Variants in KIAA1217 observed in about 807,000 individuals in gnomAD.
The protein encoded by KIAA1217 is sickle tail protein homolog.
In KIAA1217, 88 loss-of-function variants were observed where a neutral mutation model predicts 163.9. The observed-to-expected ratio is 0.54, with a 90% CI of 0.45 to 0.64. The LOEUF (loss-of-function observed/expected upper bound fraction) is 0.64. Among genes scored for constraint, KIAA1217 ranks in the 30% least tolerant of loss-of-function variants. KIAA1217 has a pLI of 0.00. For missense variants in KIAA1217, 2,372 were observed against 2,475.0 expected, an observed-to-expected ratio of 0.96 and a Z score of 0.88; for synonymous variants, 903 against 923.1, an observed-to-expected ratio of 0.98 and a Z score of 0.39.
At chr10:24,255,379 C>T (rs1432916310) in intron 2 of KIAA1217, 5 of 335,198 alleles carry the variant, frequency 1.5e-5, no homozygotes, top group Non-Finnish European at 3.0e-5. Flanking sequence ...GGCCTGCTTG[C>T]TGGGAGAATG....
At chr10:24,498,560 C>A (rs906486051) in intron 8 of KIAA1217, among the ~76,000 whole-genome samples, 1 of 152,256 alleles carries the variant, frequency 6.6e-6, no homozygotes, top group Non-Finnish European at 1.5e-5. Context: ...TGGTGACCCA[C>A]GCCTATAATC....
intron 1 of KIAA1217, among the ~76,000 whole-genome samples, chr10:23,932,109 C>G (rs1271361595): frequency 1.3e-5 from 2 of 152,086 alleles, no homozygotes; most frequent in African/African-American, 4.8e-5. Context: ...GGTGCCTCCT[C>G]TTGGCTGAAG....
Position 24,427,280 on chromosome 10 carries a change from C to T in KIAA1217, c.554-5715C>T, listed in dbSNP as rs148620081. On this transcript the variant is annotated intron_variant, in intron 3 of 20. Transcript: ENST00000376454. Reference sequence around the variant, plus strand: ...GCATTCCCTTCGGTTGAGGTAAAGACGGGAATCTTTTTTCTGAGCTGCACC... The same window carrying T: ...GCATTCCCTTCGGTTGAGGTAAAGATGGGAATCTTTTTTCTGAGCTGCACC... Among the ~76,000 whole-genome samples, 106 of 149,870 alleles carry T rather than the reference C, an allele frequency of 7.1e-4. No individual in the cohort carries two copies. The East Asian group carries it at 0.01, about 14-fold the overall frequency.
chr10:24,265,672 C>T (rs1216740351), intron 2 of KIAA1217, among the ~76,000 whole-genome samples: 1 of 151,934 alleles, frequency 6.6e-6, no homozygotes, highest in Non-Finnish European at 1.5e-5. Context: ...TTCCTCCCCT[C>T]GCTGAAAAAA....
At chr10:23,842,459 G>T (rs1163297198) in intron 1 of KIAA1217, among the ~76,000 whole-genome samples, 1 of 152,136 alleles carries the variant, frequency 6.6e-6, no homozygotes, top group African/African-American at 2.4e-5. Context: ...TGGAGCGAGT[G>T]CTGGGTAGAC....
intron 2 of KIAA1217, among the ~76,000 whole-genome samples, chr10:24,093,288 A>G (rs1024957634): frequency 4.6e-5 from 7 of 151,702 alleles, no homozygotes; most frequent in African/African-American, 1.7e-4. Context: ...CTCCTGCCTC[A>G]GCCTCCCTAG....
intron 1 of KIAA1217, among the ~76,000 whole-genome samples, chr10:23,892,731 G>C (rs1000666329): frequency 2.0e-5 from 3 of 151,996 alleles, no homozygotes; most frequent in Admixed American, 2.0e-4. Flanking sequence ...ACAAATTTGA[G>C]AGGGTAATTT....
rs151135715 is a variant in KIAA1217 at position 24,178,584 on chromosome 10, A to G, written c.-170-41042A>G. The stretch of plus-strand genomic sequence containing the variant: ...GTACCATTTTAATTTCAGCCAGTAG[A>G]TTCCTTTTCACTGCCCATCAAAGCA... On this transcript the variant is annotated intron_variant, in intron 2 of 18. Coordinates refer to the KIAA1217 transcript ENST00000376462. 1.0e-3 allele frequency among the ~76,000 whole-genome samples: 155 copies of G among 152,362 alleles called. No individual in the cohort carries two copies. The East Asian group carries it at 0.029, about 28-fold the overall frequency.
intron 2 of KIAA1217, among the ~76,000 whole-genome samples, chr10:24,033,379 C>T (rs1341780305): frequency 6.6e-6 from 1 of 152,128 alleles, no homozygotes; most frequent in Admixed American, 6.5e-5. Context: ...TCAAACCATG[C>T]CTCTCTACAT....
At position 24,543,722 on chromosome 10, in the gene KIAA1217, A is replaced by G. The variant is rs1207234295; in HGVS notation, c.4452A>G (p.Glu1484=). ...TGGAGGAAAAGATAGAGGAGGAGGA[A>G]GAGGAGGAAAATGGGGATTCTGTAG... The part of the protein sequence containing the change: ...MMMEEKIEEE[E]EEENGDSVVQ... Residue 1484 remains glutamate (E), a synonymous_variant, in exon 19 of 21, where the codon GAA becomes GAG. Transcript: ENST00000376454. The G allele has an allele frequency of 6.2e-7, 1 of 1,613,832 alleles. No homozygotes were observed. Among genetic ancestry groups the G allele is most frequent in the Non-Finnish European group, 8.5e-7 (1 of 1,179,886 alleles).
intron 5 of KIAA1217, among the ~76,000 whole-genome samples, chr10:24,457,979 T>C (rs1305300785): frequency 6.6e-6 from 1 of 152,192 alleles, no homozygotes; most frequent in Non-Finnish European, 1.5e-5. Context: ...AGTTTGTTGT[T>C]GGGACACAGG....
intron 1 of KIAA1217, among the ~76,000 whole-genome samples, chr10:23,929,677 A>G (rs1488730144): frequency 1.3e-5 from 2 of 152,054 alleles, no homozygotes; most frequent in Admixed American, 1.3e-4. Flanking sequence ...AGTATCCATG[A>G]GGTATATTTT....
In KIAA1217 at chr10:24,543,284, A is replaced by C; in HGVS notation, c.4014A>C (p.Gln1338His). ...TGCATGATTTTAAAACAGAAGATCA[A>C]GAGGTTATCACGACAGATTTTGGCC... ...SSVHDFKTED[Q>H]EVITTDFGQV... Residue 1338 changes from glutamine to histidine, a missense_variant, in exon 19 of 21, where the codon CAA becomes CAC. By Grantham distance (24) the Gln-to-His change is conservative (BLOSUM62 0). Transcript: ENST00000376454. 6.2e-7 allele frequency: 1 copy of C among 1,614,134 alleles called. No homozygotes were observed. The highest frequency in any genetic ancestry group is 1.1e-5 in the South Asian group (1 of 91,066).
At chr10:24,049,030 CAAA>C (rs59235039) in intron 2 of KIAA1217, among the ~76,000 whole-genome samples, 1,332 of 86,132 alleles carry the variant, frequency 0.015, 5 homozygotes, top group South Asian at 0.059. Flanking sequence ...TACTCTGTCT[CAAA>C]AAAAAAAAAA....
chr10:24,236,307 A>C (rs771379489), intron 2 of KIAA1217, among the ~76,000 whole-genome samples: 3 of 151,738 alleles, frequency 2.0e-5, no homozygotes, highest in Non-Finnish European at 4.4e-5. Flanking sequence ...GCTGGAGTGC[A>C]ATGGGCAGTC....
intron 2 of KIAA1217, among the ~76,000 whole-genome samples, chr10:24,371,708 T>C (rs1273358242): frequency 1.3e-5 from 2 of 152,080 alleles, no homozygotes; most frequent in East Asian, 1.9e-4. Context: ...TTCTTAAACC[T>C]AGAATCCAAT....
intron 1 of KIAA1217, among the ~76,000 whole-genome samples, chr10:23,845,741 T>A (rs1838994891): frequency 6.6e-6 from 1 of 152,210 alleles, no homozygotes. Context: ...TTTAATTAGA[T>A]ACCATTTGTC....
chr10:24,045,177 T>C (rs375982220), intron 2 of KIAA1217, among the ~76,000 whole-genome samples: 15 of 152,172 alleles, frequency 9.9e-5, no homozygotes, highest in East Asian at 5.8e-4. Flanking sequence ...CATTGTCTTT[T>C]GAGATCTAGA....
chr10:24,454,389 T>C (rs2132386143), intron 5 of KIAA1217, among the ~76,000 whole-genome samples: 1 of 152,336 alleles, frequency 6.6e-6, no homozygotes. Context: ...TCTTCTTTTC[T>C]TGTGACATCA....
Sources: allele counts gnomAD v4.1 joint callset (sites outside exome capture counted in the v4.1 genomes callset), GRCh38; gene constraint gnomAD v4.1.1; transcripts MANE v1.5; gene names NCBI Gene and HGNC (gene_info 2026-07-23, HGNC 2026-07-21).